Variants in NMT2 observed in about 807,000 individuals in gnomAD.
NMT2 encodes the protein glycylpeptide N-tetradecanoyltransferase 2.
A neutral mutation model predicts 65.4 loss-of-function variants in NMT2; 35 were observed. That is an observed-to-expected ratio of 0.54 (90% CI 0.41 to 0.71). The LOEUF (loss-of-function observed/expected upper bound fraction) is 0.71. Ranked by LOEUF, NMT2 falls within the 30% of genes least tolerant of loss-of-function variation. The pLI, the probability that NMT2 is intolerant of heterozygous loss-of-function variation, is 0.00. For synonymous variants in NMT2, 226 were observed against 231.8 expected (o/e 0.98, Z 0.23); for missense variants, 489 against 611.3 (o/e 0.80, Z 2.11).
chr10:15,150,389 G>A (rs1197158998), intron 1 of NMT2, among the ~76,000 whole-genome samples: 3 of 152,176 alleles, frequency 2.0e-5, no homozygotes, highest in Non-Finnish European at 4.4e-5. Flanking sequence ...ATTCCAGTAT[G>A]AGTTTCTTCA....
chr10:15,117,837 G>C (rs1845795638), intron 9 of NMT2, among the ~76,000 whole-genome samples: 1 of 152,190 alleles, frequency 6.6e-6, no homozygotes, highest in African/African-American at 2.4e-5. Flanking sequence ...ACATGTACAG[G>C]ATCTGGATGC....
chr10:15,108,614 TA>T lies in NMT2; in HGVS notation c.*580del. 1 of 986,274 alleles carries T rather than the reference TA, an allele frequency of 1.0e-6. No homozygotes were observed. The highest frequency in any genetic ancestry group is 4.7e-5 in the South Asian group (1 of 21,350). 61.1% of individuals were successfully genotyped at this position (986,274 alleles called of 1,614,324 possible). A position where few individuals can be genotyped will look rare whatever the true frequency, so the allele number is the denominator to read the frequency against. On this transcript the variant is annotated 3_prime_UTR_variant, in exon 12 of 12. Coordinates refer to ENST00000378165, the MANE Select transcript of NMT2 (RefSeq NM_004808.3). ...TTCGGCAACTCTGCTTATGGAGAAA[TA>T]CATGTACTAGTCACCAGTACATTTT... is the stretch of plus-strand genomic sequence containing the variant.
chr10:15,119,672 G>C (rs73604517), intron 8 of NMT2, among the ~76,000 whole-genome samples, 159 bp from the exon 9 acceptor site: 5 of 152,236 alleles, frequency 3.3e-5, no homozygotes, highest in Middle Eastern at 3.4e-3. Flanking sequence ...TAATGAATCC[G>C]AATCTGCAAC....
chr10:15,114,442 AAAAAC>A (rs921435232), intron 9 of NMT2, among the ~76,000 whole-genome samples: 17 of 152,192 alleles, frequency 1.1e-4, no homozygotes, highest in East Asian at 1.9e-4. Flanking sequence ...AAGACTGATA[AAAAAC>A]AAAACAAAAC....
chr10:15,131,000 C>T (rs114510268), intron 6 of NMT2, among the ~76,000 whole-genome samples: 5,233 of 152,012 alleles, frequency 0.034, 99 homozygotes, highest in African/African-American at 0.045. Context: ...ATGTTGGCTA[C>T]GCTGGTCTCG....
intron 8 of NMT2, among the ~76,000 whole-genome samples, chr10:15,127,558 A>T (rs1436267411): frequency 1.5e-4 from 14 of 95,596 alleles, no homozygotes; most frequent in Admixed American, 7.3e-4. Context: ...AAAAAAAAAA[A>T]AAAAAAAAAA....
intron 1 of NMT2, among the ~76,000 whole-genome samples, chr10:15,156,849 T>C (rs541647123): frequency 4.9e-4 from 75 of 152,106 alleles, no homozygotes; most frequent in Middle Eastern, 3.4e-3. Flanking sequence ...TGAGCCGAGA[T>C]TGCGCCACTG....
At chr10:15,166,645 T>C (rs995322222) in intron 1 of NMT2, among the ~76,000 whole-genome samples, 18 of 152,216 alleles carry the variant, frequency 1.2e-4, no homozygotes, top group African/African-American at 4.3e-4. Context: ...CTTTTCCCAC[T>C]AGAAGCTATT....
At chr10:15,109,236 G>T (rs1451468039) in intron 11 of NMT2, 21 bp from the exon 12 acceptor site, 1 of 1,601,750 alleles carries the variant, frequency 6.2e-7, no homozygotes, top group African/African-American at 1.3e-5. Flanking sequence ...GGAAGAAATG[G>T]AATAGTAAGA....
At chr10:15,165,949 T>C (rs970320581) in intron 1 of NMT2, among the ~76,000 whole-genome samples, 3 of 151,674 alleles carry the variant, frequency 2.0e-5, no homozygotes, top group Non-Finnish European at 2.9e-5. Flanking sequence ...TATTTTATAA[T>C]ACTTACGCCA....
intron 1 of NMT2, among the ~76,000 whole-genome samples, chr10:15,156,765 A>G (rs1833014064): frequency 1.3e-5 from 2 of 152,028 alleles, no homozygotes; most frequent in Non-Finnish European, 2.9e-5. Context: ...ACGTGGTGGC[A>G]CATGCCTGTA....
At chr10:15,119,561 G>A (rs1231731063) in intron 8 of NMT2, 48 bp from the exon 9 acceptor site, 10 of 1,552,076 alleles carry the variant, frequency 6.4e-6, no homozygotes, top group Non-Finnish European at 8.9e-6. Context: ...GGTAGAAGAG[G>A]AGTGAAACGA....
chr10:15,111,275 C>A (rs1845504886), intron 10 of NMT2, among the ~76,000 whole-genome samples: 1 of 151,686 alleles, frequency 6.6e-6, no homozygotes. Flanking sequence ...CTTTGGGAGG[C>A]CGCAGCAGGT....
chr10:15,114,540 T>C (rs1845682940), intron 9 of NMT2, among the ~76,000 whole-genome samples: 4 of 152,184 alleles, frequency 2.6e-5, no homozygotes, highest in Admixed American at 2.6e-4. Context: ...TTCTAACAAC[T>C]TTCAAGGAAC....
intron 8 of NMT2, among the ~76,000 whole-genome samples, chr10:15,121,635 G>T (rs1845935024): frequency 4.6e-5 from 7 of 152,172 alleles, no homozygotes. Flanking sequence ...CCAAAGTGCT[G>T]GGATTACAGG....
At chr10:15,159,286 G>C (rs1052043260) in intron 1 of NMT2, among the ~76,000 whole-genome samples, 1 of 152,158 alleles carries the variant, frequency 6.6e-6, no homozygotes, top group Non-Finnish European at 1.5e-5. Flanking sequence ...AGGTTAGAAA[G>C]ACAGATGGAC....
chr10:15,116,874 T>TC (rs372763467), intron 9 of NMT2, among the ~76,000 whole-genome samples: 8 of 152,278 alleles, frequency 5.3e-5, no homozygotes, highest in African/African-American at 1.9e-4. Context: ...ATGAAACAGA[T>TC]CATCTGAATA....
intron 1 of NMT2, among the ~76,000 whole-genome samples, chr10:15,150,511 G>C (rs575846249): frequency 2.0e-5 from 3 of 152,200 alleles, no homozygotes; most frequent in Admixed American, 6.5e-5. Flanking sequence ...GCTCCATCAT[G>C]GGTCTGGTAG....
At chr10:15,110,994 T>C (rs760620042) in intron 10 of NMT2, among the ~76,000 whole-genome samples, 116 of 152,048 alleles carry the variant, frequency 7.6e-4, no homozygotes, top group Admixed American at 2.0e-3. Context: ...GGTTTCACCG[T>C]GTTGGCCAGG....
Sources: gnomAD v4.1 joint callset for allele counts (sites outside exome capture counted in the v4.1 genomes callset) on GRCh38, gnomAD v4.1.1 for gene constraint, MANE v1.5 for transcripts, NCBI Gene and HGNC (gene_info 2026-07-23, HGNC 2026-07-21) for gene names.